The following PHF2 variants were observed in gnomAD, a reference collection of about 807,000 sequenced individuals.
The protein encoded by PHF2 is PHD finger protein 2, also known as lysine-specific demethylase PHF2.
In PHF2, 27 loss-of-function variants were observed where a neutral mutation model predicts 120.5. The ratio of observed to expected loss-of-function variants is 0.22; its 90% CI spans 0.17 to 0.31. The LOEUF (loss-of-function observed/expected upper bound fraction) is 0.31. Ranked by LOEUF, PHF2 falls within the 10% of genes least tolerant of loss-of-function variation. PHF2 has a pLI of 1.00. For synonymous variants in PHF2, 568 were observed against 592.5 expected (o/e 0.96, Z 0.60); for missense variants, 1,024 against 1,434.8 (o/e 0.71, Z 4.63).
At chr9:93,595,541 C>T (rs1825315067) in intron 1 of PHF2, among the ~76,000 whole-genome samples, 1 of 152,246 alleles carries the variant, frequency 6.6e-6, no homozygotes, top group African/African-American at 2.4e-5. Flanking sequence ...TGTGACCACT[C>T]ATTGGCCCAA....
At chr9:93,602,927 G>A (rs1361641145) in intron 1 of PHF2, among the ~76,000 whole-genome samples, 2 of 152,136 alleles carry the variant, frequency 1.3e-5, no homozygotes, top group Non-Finnish European at 2.9e-5. Flanking sequence ...AGAGCCCGAG[G>A]CTGGGAGCCC....
chr9:93,596,716 A>G (rs1244796266), intron 1 of PHF2, among the ~76,000 whole-genome samples: 1 of 149,696 alleles, frequency 6.7e-6, no homozygotes, highest in Admixed American at 6.6e-5. Context: ...GAGTCAGGCA[A>G]ATTGCACCTT....
intron 2 of PHF2, among the ~76,000 whole-genome samples, chr9:93,630,513 C>T (rs565872108): frequency 1.2e-4 from 18 of 152,332 alleles, no homozygotes; most frequent in Non-Finnish European, 1.6e-4. Context: ...TTTCCAGCCC[C>T]GCCTCATGCC....
chr9:93,603,359 C>T (rs1024786076), intron 1 of PHF2, among the ~76,000 whole-genome samples: 8 of 152,118 alleles, frequency 5.3e-5, no homozygotes, highest in Admixed American at 3.3e-4. Context: ...CTGGCATTTC[C>T]GGCGACAGAG....
intron 3 of PHF2, among the ~76,000 whole-genome samples, chr9:93,643,819 C>T (rs975062041): frequency 3.3e-5 from 5 of 152,128 alleles, no homozygotes; most frequent in Admixed American, 6.5e-5. Context: ...GCCCCTCCAC[C>T]GTGGGCCCTC....
chr9:93,617,201 C>T (rs10821181), intron 1 of PHF2, among the ~76,000 whole-genome samples: 46,942 of 152,080 alleles, frequency 0.31, 8,249 homozygotes, highest in Non-Finnish European at 0.4. Flanking sequence ...GAAGGCAACC[C>T]CTAGCCCACT....
At chr9:93,612,916 A>T (rs944108123) in intron 1 of PHF2, among the ~76,000 whole-genome samples, 1 of 152,168 alleles carries the variant, frequency 6.6e-6, no homozygotes, top group South Asian at 2.1e-4. Context: ...TTGCTCACAG[A>T]TGGGGGACTT....
At position 93,630,612 on chromosome 9, in the gene PHF2, G is replaced by A. The variant is rs79364474; in HGVS notation, c.184+557G>A. 6.4e-3 allele frequency among the ~76,000 whole-genome samples: 969 copies of A among 152,212 alleles called. 10 individuals carry two copies. The highest frequency in any genetic ancestry group is 0.022 in the African/African-American group (902 of 41,498). On this transcript the variant is annotated intron_variant, in intron 2 of 21. Coordinates refer to ENST00000359246, the MANE Select transcript of PHF2 (RefSeq NM_005392.4). Reference sequence around the variant, plus strand: ...TGTGTGTCCTAAGGGCTGAGGCTTCGTTTTCTTCTTGGCCCTTTCAGGTGT... The same window carrying A: ...TGTGTGTCCTAAGGGCTGAGGCTTCATTTTCTTCTTGGCCCTTTCAGGTGT...
chr9:93,600,028 C>T (rs1371417796), intron 1 of PHF2, among the ~76,000 whole-genome samples: 1 of 152,150 alleles, frequency 6.6e-6, no homozygotes, highest in Non-Finnish European at 1.5e-5. Context: ...GCCTGCGTGG[C>T]CAGGTGAGAG....
At chr9:93,604,090 G>A (rs569739974) in intron 1 of PHF2, among the ~76,000 whole-genome samples, 3 of 152,320 alleles carry the variant, frequency 2.0e-5, no homozygotes, top group Admixed American at 2.0e-4. Context: ...GGAAACAGAT[G>A]GGGGAGTGCA....
Position 93,676,445 on chromosome 9 carries a change from C to T in PHF2, c.2833-149C>T, listed in dbSNP as rs542906216. ...GCGCCCTGTCCGTGTGCATGCTGTG[C>T]CCCTGGCGGCCCAGAGTCAGGCCTC... is the stretch of plus-strand genomic sequence containing the variant. On this transcript the variant is annotated intron_variant, in intron 20 of 21. Transcript: ENST00000359246. The T allele has an allele frequency of 3.4e-5, 29 of 850,848 alleles. No homozygotes were observed. The African/African-American group carries it at 4.6e-4, about 13-fold the overall frequency. The allele number at this position is 850,848 out of a possible 1,614,324, so 52.7% of individuals were successfully genotyped here.
intron 1 of PHF2, among the ~76,000 whole-genome samples, chr9:93,615,321 ATGATGG>A (rs1372692525): frequency 6.6e-6 from 1 of 150,718 alleles, no homozygotes; most frequent in Admixed American, 6.6e-5. Context: ...AGTGATAGTG[ATGATGG>A]TGATGGTGAT....
chr9:93,654,233 C>A (rs1375571295), intron 6 of PHF2, among the ~76,000 whole-genome samples, 180 bp from the exon 7 acceptor site: 3 of 152,164 alleles, frequency 2.0e-5, no homozygotes, highest in African/African-American at 7.2e-5. Flanking sequence ...TGCAGAGGGC[C>A]CAGATACCCA....
chr9:93,662,169 AGATG>A (rs902431184), intron 12 of PHF2, among the ~76,000 whole-genome samples: 6 of 150,440 alleles, frequency 4.0e-5, no homozygotes, highest in Middle Eastern at 3.7e-3. Flanking sequence ...AGGAATGAAT[AGATG>A]GATGGATGAA....
intron 3 of PHF2, among the ~76,000 whole-genome samples, chr9:93,637,273 T>C (rs1277632979): frequency 6.6e-6 from 1 of 152,250 alleles, no homozygotes; most frequent in African/African-American, 2.4e-5. Context: ...AAGGTGTTTT[T>C]TTCCTGGCTT....
At chr9:93,649,968 A>T (rs1321887924) in intron 5 of PHF2, among the ~76,000 whole-genome samples, 2 of 152,020 alleles carry the variant, frequency 1.3e-5, no homozygotes, top group Non-Finnish European at 2.9e-5. Context: ...ATGGACACAC[A>T]TGACACACAC....
chr9:93,634,603 GCAGGA>G (rs1826060483), intron 2 of PHF2, among the ~76,000 whole-genome samples: 1 of 152,244 alleles, frequency 6.6e-6, no homozygotes, highest in Non-Finnish European at 1.5e-5. Context: ...CACCAAGAGG[GCAGGA>G]GCATGGGCTG....
chr9:93,630,811 T>C (rs1184792929), intron 2 of PHF2, among the ~76,000 whole-genome samples: 2 of 152,018 alleles, frequency 1.3e-5, no homozygotes, highest in Non-Finnish European at 2.9e-5. Flanking sequence ...ATGGTATGGA[T>C]ATGGGTGTGC....
chr9:93,663,033 A>G lies in PHF2; in HGVS notation c.1818+7A>G, dbSNP rs1280198435. ...GGCCAAGTGGAAGTACAAGGTGAGA[A>G]GTGCACATATGCATGCACACGTGTG... On this transcript the variant is annotated splice_region_variant and intron_variant, in intron 13 of 21. Transcript: ENST00000359246. 6.2e-6 allele frequency: 10 copies of G among 1,613,906 alleles called. No individual in the cohort carries two copies.
Sources: gnomAD v4.1 joint callset for allele counts (sites outside exome capture counted in the v4.1 genomes callset) on GRCh38, gnomAD v4.1.1 for gene constraint, MANE v1.5 for transcripts, NCBI Gene and HGNC (gene_info 2026-07-23, HGNC 2026-07-21) for gene names.